Variants in NRG3 observed in about 807,000 individuals in gnomAD.
NRG3 encodes the protein pro-neuregulin-3, membrane-bound isoform.
In NRG3, 31 loss-of-function variants were observed where a neutral mutation model predicts 66.9. The ratio of observed to expected loss-of-function variants is 0.46; its 90% CI spans 0.35 to 0.63. The LOEUF (loss-of-function observed/expected upper bound fraction) is 0.63. Among genes scored for constraint, NRG3 ranks in the 20% least tolerant of loss-of-function variants. NRG3 has a pLI of 0.00. For missense variants in NRG3, 910 were observed against 878.9 expected (o/e 1.04, Z -0.45); for synonymous variants, 393 against 359.4 (o/e 1.09, Z -1.06).
chr10:82,938,479 C>T (rs754926643), intron 4 of NRG3, among the ~76,000 whole-genome samples: 3 of 152,214 alleles, frequency 2.0e-5, no homozygotes, highest in Non-Finnish European at 4.4e-5. Flanking sequence ...ACAACTTAAG[C>T]CTGGGAAGTC....
At chr10:82,821,466 A>C (rs1017365925) in intron 3 of NRG3, among the ~76,000 whole-genome samples, 1 of 151,460 alleles carries the variant, frequency 6.6e-6, no homozygotes, top group Non-Finnish European at 1.5e-5. Context: ...GGACAGTTGC[A>C]TAGTCTGGTT....
At chr10:82,815,817 G>A (rs908450420) in intron 3 of NRG3, among the ~76,000 whole-genome samples, 1 of 152,158 alleles carries the variant, frequency 6.6e-6, no homozygotes, top group African/African-American at 2.4e-5. Flanking sequence ...TGCTAAGGGT[G>A]AGCCAGGGGT....
chr10:82,074,605 G>A (rs1390085132), intron 1 of NRG3, among the ~76,000 whole-genome samples: 1 of 152,108 alleles, frequency 6.6e-6, no homozygotes, highest in Admixed American at 6.6e-5. Flanking sequence ...CCAGGTGGGA[G>A]GAACTCTTGA....
intron 2 of NRG3, among the ~76,000 whole-genome samples, chr10:82,536,070 C>T (rs146886698): frequency 0.015 from 2,255 of 152,140 alleles, 39 homozygotes; most frequent in Non-Finnish European, 0.022. Context: ...TTATTTTAGC[C>T]GCTGGGTGTG....
intron 1 of NRG3, among the ~76,000 whole-genome samples, chr10:81,893,703 G>C (rs1843244506): frequency 6.6e-6 from 1 of 152,150 alleles, no homozygotes; most frequent in Non-Finnish European, 1.5e-5. Flanking sequence ...TTAGAAATGA[G>C]AAATCATTAG....
intron 1 of NRG3, among the ~76,000 whole-genome samples, chr10:82,275,827 A>G (rs1324782534): frequency 6.6e-6 from 1 of 152,086 alleles, no homozygotes; most frequent in East Asian, 1.9e-4. Flanking sequence ...TGCAGAATGT[A>G]ACTGTGCTTT....
At chr10:82,418,441 A>G (rs943177321) in intron 2 of NRG3, among the ~76,000 whole-genome samples, 1 of 152,204 alleles carries the variant, frequency 6.6e-6, no homozygotes, top group Admixed American at 6.5e-5. Context: ...TATGCAAATT[A>G]ACCAGTTTAT....
intron 1 of NRG3, among the ~76,000 whole-genome samples, chr10:82,015,759 T>G (rs919014577): frequency 6.6e-6 from 1 of 151,896 alleles, no homozygotes; most frequent in African/African-American, 2.4e-5. Context: ...TCTTCACTAT[T>G]TACTAGTTAT....
chr10:82,663,595 AAC>A (rs1387680719), intron 2 of NRG3, among the ~76,000 whole-genome samples: 2 of 152,216 alleles, frequency 1.3e-5, no homozygotes, highest in East Asian at 1.9e-4. Context: ...CCTTTTTGAA[AAC>A]ACAGTGTGCC....
intron 2 of NRG3, among the ~76,000 whole-genome samples, chr10:82,696,414 G>T (rs531679928): frequency 6.6e-6 from 1 of 152,036 alleles, no homozygotes; most frequent in Non-Finnish European, 1.5e-5. Context: ...AGGCTGAAAG[G>T]AAATTATGTA....
chr10:82,895,431 C>T (rs1023431814), intron 4 of NRG3, among the ~76,000 whole-genome samples: 2 of 150,054 alleles, frequency 1.3e-5, no homozygotes, highest in East Asian at 2.0e-4. Flanking sequence ...AGAGTTTAAT[C>T]ATATTTTAAG....
At chr10:82,647,300 C>T (rs1269935243) in intron 2 of NRG3, among the ~76,000 whole-genome samples, 1 of 152,108 alleles carries the variant, frequency 6.6e-6, no homozygotes, top group African/African-American at 2.4e-5. Flanking sequence ...TGATGATTTC[C>T]AGTTTCATCC....
intron 3 of NRG3, among the ~76,000 whole-genome samples, chr10:82,831,131 A>T (rs2062499509): frequency 6.6e-6 from 1 of 152,132 alleles, no homozygotes; most frequent in African/African-American, 2.4e-5. Context: ...CTTGAGCTTA[A>T]TTAAGGTGAC....
chr10:82,584,094 A>G (rs1265577356), intron 2 of NRG3, among the ~76,000 whole-genome samples: 1 of 152,032 alleles, frequency 6.6e-6, no homozygotes, highest in Non-Finnish European at 1.5e-5. Context: ...ATTTGAATTT[A>G]TTTATTTTTT....
At chr10:82,286,529 C>G (rs192619159) in intron 1 of NRG3, among the ~76,000 whole-genome samples, 2 of 152,248 alleles carry the variant, frequency 1.3e-5, no homozygotes, top group East Asian at 3.9e-4. Flanking sequence ...ACATGGGTAA[C>G]AATGTGCAGA....
At chr10:82,069,259 C>G (rs2064664209) in intron 1 of NRG3, among the ~76,000 whole-genome samples, 1 of 152,142 alleles carries the variant, frequency 6.6e-6, no homozygotes, top group Non-Finnish European at 1.5e-5. Context: ...GTTGGCAAAA[C>G]AGCTGGACCT....
At chr10:82,273,609 A>G (rs374214025) in intron 1 of NRG3, among the ~76,000 whole-genome samples, 1 of 152,036 alleles carries the variant, frequency 6.6e-6, no homozygotes, top group African/African-American at 2.4e-5. Flanking sequence ...AACATACAGT[A>G]TATATAATAT....
At chr10:82,016,108 G>A (rs1057103019) in intron 1 of NRG3, among the ~76,000 whole-genome samples, 8 of 151,740 alleles carry the variant, frequency 5.3e-5, no homozygotes, top group Non-Finnish European at 1.0e-4. Flanking sequence ...TATTAATTTT[G>A]CTTGGTCATT....
chr10:82,545,763 C>A (rs531020493), intron 2 of NRG3, among the ~76,000 whole-genome samples: 177 of 143,224 alleles, frequency 1.2e-3, no homozygotes, highest in Non-Finnish European at 1.8e-3. Flanking sequence ...TTTTATTGAT[C>A]GTAATATATA....
Sources: gnomAD v4.1 joint callset for allele counts (sites outside exome capture counted in the v4.1 genomes callset) on GRCh38, gnomAD v4.1.1 for gene constraint, MANE v1.5 for transcripts, NCBI Gene and HGNC (gene_info 2026-07-23, HGNC 2026-07-21) for gene names.